Variants in DPYSL3 observed in about 807,000 individuals in gnomAD.
DPYSL3 encodes the protein dihydropyrimidinase-related protein 3.
In DPYSL3, 16 loss-of-function variants were observed where a neutral mutation model predicts 66.1. The ratio of observed to expected loss-of-function variants is 0.24; its 90% CI spans 0.16 to 0.37. The LOEUF is 0.37. Ranked by LOEUF, DPYSL3 falls within the 10% of genes least tolerant of loss-of-function variation. DPYSL3 has a pLI of 1.00. For synonymous variants in DPYSL3, 338 were observed against 345.1 expected (o/e 0.98, Z 0.23); for missense variants, 738 against 916.2 (o/e 0.81, Z 2.51).
intron 1 of DPYSL3, among the ~76,000 whole-genome samples, chr5:147,487,308 C>T (rs2126442905): frequency 6.6e-6 from 1 of 152,112 alleles, no homozygotes; most frequent in East Asian, 1.9e-4. Flanking sequence ...ATTGTTCTTC[C>T]TTCAATGTCA....
Position 147,391,550 on chromosome 5 carries a change from C to T in DPYSL3, c.*2485G>A, listed in dbSNP as rs913815487. 3 of 152,410 alleles carry T rather than the reference C, an allele frequency of 2.0e-5. No individual in the cohort carries two copies. The highest frequency in any genetic ancestry group is 4.4e-5 in the Non-Finnish European group (3 of 68,052). The allele number at this position is 152,410 out of a possible 1,614,324, so 9.4% of individuals were successfully genotyped here. ...ACAGCTTTGGAATCAGATAGACGAT[C>T]CAGCGTGCCTTCCTACACTTGCATG... On this transcript the variant is annotated 3_prime_UTR_variant, in exon 14 of 14. Transcript: ENST00000343218.
In DPYSL3 at chr5:147,419,665, C is replaced by T. The variant is rs921680109; in HGVS notation, c.471-1034G>A. Among the ~76,000 whole-genome samples the T allele has an allele frequency of 5.3e-5, 8 of 152,214 alleles. No homozygotes were observed. The South Asian group carries it at 8.3e-4, about 16-fold the overall frequency. ...CATGAATATTTTCCCCTTTTATCCA[C>T]GGACAGCCAAGAAAGACACTCTCTT... On this transcript the variant is annotated intron_variant, in intron 2 of 13. Transcript: ENST00000343218.
At chr5:147,416,087 A>G (rs1340807331) in intron 3 of DPYSL3, among the ~76,000 whole-genome samples, 1 of 152,046 alleles carries the variant, frequency 6.6e-6, no homozygotes. Context: ...AGCTTCCCTA[A>G]ATCTCAGTTT....
chr5:147,501,698 C>T (rs1021890225), intron 1 of DPYSL3, among the ~76,000 whole-genome samples: 11 of 151,934 alleles, frequency 7.2e-5, no homozygotes, highest in Non-Finnish European at 1.0e-4. Flanking sequence ...AGGCTGGTCT[C>T]GAACTCCTGA....
chr5:147,405,225 GTGTT>G (rs922911237), intron 8 of DPYSL3, among the ~76,000 whole-genome samples: 1 of 152,204 alleles, frequency 6.6e-6, no homozygotes, highest in African/African-American at 2.4e-5. Context: ...TTATTCACTT[GTGTT>G]TGTTTAAGCC....
At chr5:147,470,221 C>G (rs1459738617) in intron 1 of DPYSL3, among the ~76,000 whole-genome samples, 1 of 152,182 alleles carries the variant, frequency 6.6e-6, no homozygotes, top group Non-Finnish European at 1.5e-5. Flanking sequence ...TTCTTCCCTT[C>G]CTTGGTGTTG....
At chr5:147,423,634 T>G (rs1368888332) in intron 2 of DPYSL3, among the ~76,000 whole-genome samples, 1 of 152,218 alleles carries the variant, frequency 6.6e-6, no homozygotes, top group Non-Finnish European at 1.5e-5. Context: ...TAAGTAAGTC[T>G]CCTTACTCTC....
intron 12 of DPYSL3, 150 bp downstream of exon 12, chr5:147,397,516 G>T: frequency 1.2e-6 from 1 of 815,108 alleles, no homozygotes; most frequent in Non-Finnish European, 1.8e-6. Flanking sequence ...AGTACATTAA[G>T]TCTGTGTAGT....
intron 3 of DPYSL3, among the ~76,000 whole-genome samples, chr5:147,417,783 C>T (rs933584427): frequency 6.6e-6 from 1 of 152,158 alleles, no homozygotes; most frequent in African/African-American, 2.4e-5. Context: ...AGAGAAACCA[C>T]TCCTACAGCT....
intron 1 of DPYSL3, among the ~76,000 whole-genome samples, chr5:147,450,299 A>G (rs1441428961): frequency 6.6e-6 from 1 of 152,238 alleles, no homozygotes; most frequent in African/African-American, 2.4e-5. Context: ...ATAATACCTG[A>G]CAAAATAAAC....
chr5:147,433,907 G>A (rs1028658452), intron 1 of DPYSL3, among the ~76,000 whole-genome samples: 3 of 152,006 alleles, frequency 2.0e-5, no homozygotes, highest in African/African-American at 7.2e-5. Flanking sequence ...TGGCATCCCT[G>A]TAATCCCAGC....
chr5:147,409,555 A>C (rs1432279422), intron 6 of DPYSL3, among the ~76,000 whole-genome samples: 2 of 152,218 alleles, frequency 1.3e-5, no homozygotes, highest in East Asian at 3.8e-4. Flanking sequence ...TGGCAGAAGA[A>C]GTGCATGTCC....
In DPYSL3 at chr5:147,395,550, C is replaced by A; in HGVS notation, c.1966+9G>T. ...TTCTCTTATCTTTTGATGAGCCTGT[C>A]CCACTCACCTGACAGGCTAAATCCC... On this transcript the variant is annotated intron_variant, in intron 13 of 13. Coordinates refer to ENST00000343218, the MANE Select transcript of DPYSL3 (RefSeq NM_001197294.2). 1 of 1,606,990 alleles carries A rather than the reference C, an allele frequency of 6.2e-7. No individual in the cohort carries two copies. The highest frequency in any genetic ancestry group is 1.7e-5 in the Admixed American group (1 of 58,958).
At chr5:147,416,827 T>C (rs952262919) in intron 3 of DPYSL3, among the ~76,000 whole-genome samples, 1 of 152,200 alleles carries the variant, frequency 6.6e-6, no homozygotes, top group Admixed American at 6.5e-5. Context: ...TTGTTAACAA[T>C]AGAGAAGTTA....
intron 7 of DPYSL3, among the ~76,000 whole-genome samples, chr5:147,408,196 G>C (rs1167224958): frequency 6.6e-6 from 1 of 152,156 alleles, no homozygotes; most frequent in African/African-American, 2.4e-5. Context: ...CGTGCCAGTA[G>C]GTGAAGCTGC....
intron 1 of DPYSL3, among the ~76,000 whole-genome samples, chr5:147,442,126 A>G (rs1752543489): frequency 6.6e-6 from 1 of 152,272 alleles, no homozygotes; most frequent in Non-Finnish European, 1.5e-5. Flanking sequence ...GATTTCAAAT[A>G]AAGGTCTCCT....
intron 1 of DPYSL3, among the ~76,000 whole-genome samples, chr5:147,487,903 C>A (rs1263124685): frequency 6.6e-6 from 1 of 152,116 alleles, no homozygotes; most frequent in Non-Finnish European, 1.5e-5. Context: ...CTAAAAAGTT[C>A]CCTTAGTGCA....
At chr5:147,436,610 C>T (rs1752418736) in intron 1 of DPYSL3, among the ~76,000 whole-genome samples, 1 of 151,792 alleles carries the variant, frequency 6.6e-6, no homozygotes, top group Non-Finnish European at 1.5e-5. Context: ...GTTGCATATG[C>T]GTAATGTACT....
At chr5:147,453,448 G>A (rs979762054) in intron 1 of DPYSL3, 12 of 1,420,148 alleles carry the variant, frequency 8.4e-6, no homozygotes, top group South Asian at 4.5e-5. Flanking sequence ...CCTCCCCGGG[G>A]ACCAGGCCAG....
Sources: gnomAD v4.1 joint callset for allele counts (sites outside exome capture counted in the v4.1 genomes callset) on GRCh38, gnomAD v4.1.1 for gene constraint, MANE v1.5 for transcripts, NCBI Gene and HGNC (gene_info 2026-07-23, HGNC 2026-07-21) for gene names.